The following PACRG variants were observed in gnomAD, a reference collection of about 807,000 sequenced individuals.
The protein encoded by PACRG is parkin coregulated gene protein.
Under a neutral mutation model 29.7 loss-of-function variants are expected in PACRG, and 29 were observed. That is an observed-to-expected ratio of 0.98 (90% CI 0.73 to 1.33). The LOEUF is 1.33. PACRG is among the 40% of genes most tolerant of loss of function. The probability of loss-of-function intolerance (pLI) is 0.00; values close to 1 mark genes in which losing one functional copy is unlikely to be tolerated. For synonymous variants in PACRG, 116 were observed against 118.7 expected, an observed-to-expected ratio of 0.98 and a Z score of 0.15; for missense variants, 279 against 316.2, an observed-to-expected ratio of 0.88 and a Z score of 0.89.
intron 2 of PACRG, among the ~76,000 whole-genome samples, chr6:162,922,748 T>C (rs1343336230): frequency 6.6e-6 from 1 of 152,230 alleles, no homozygotes; most frequent in Non-Finnish European, 1.5e-5. Flanking sequence ...AATAGGATTT[T>C]ATTCTTTTTT....
At chr6:163,272,228 G>A (rs909979082) in intron 4 of PACRG, among the ~76,000 whole-genome samples, 8 of 151,964 alleles carry the variant, frequency 5.3e-5, no homozygotes, top group Admixed American at 1.3e-4. Context: ...TAGTAGAGAC[G>A]GGGTTTCCCC....
chr6:162,855,022 T>C (rs542719864), intron 2 of PACRG, among the ~76,000 whole-genome samples: 1 of 152,382 alleles, frequency 6.6e-6, no homozygotes, highest in East Asian at 1.9e-4. Context: ...GCTTGGTCGC[T>C]GCTGAAGTGG....
chr6:162,949,596 G>C (rs1402458460), intron 2 of PACRG, among the ~76,000 whole-genome samples: 1 of 152,006 alleles, frequency 6.6e-6, no homozygotes, highest in East Asian at 1.9e-4. Flanking sequence ...CTGATAAATA[G>C]GTACACATAT....
At chr6:162,901,576 T>G (rs1180061570) in intron 2 of PACRG, among the ~76,000 whole-genome samples, 4 of 152,278 alleles carry the variant, frequency 2.6e-5, no homozygotes, top group South Asian at 2.1e-4. Context: ...ACACTTACAG[T>G]TTTTAAATTT....
At chr6:163,028,105 G>A (rs1807315810) in intron 2 of PACRG, among the ~76,000 whole-genome samples, 1 of 152,198 alleles carries the variant, frequency 6.6e-6, no homozygotes, top group Non-Finnish European at 1.5e-5. Flanking sequence ...GCCGGCAGAG[G>A]TGGTTCATTT....
intron 2 of PACRG, among the ~76,000 whole-genome samples, chr6:163,038,146 T>C (rs1808377949): frequency 1.3e-5 from 2 of 152,174 alleles, no homozygotes; most frequent in South Asian, 4.1e-4. Context: ...CTATCACTAA[T>C]TTGTGGCAGA....
chr6:162,823,110 C>A (rs1240508749), intron 2 of PACRG, among the ~76,000 whole-genome samples: 3 of 152,140 alleles, frequency 2.0e-5, no homozygotes, highest in Admixed American at 1.3e-4. Flanking sequence ...AGATTTGTGT[C>A]AAGATGCTAT....
chr6:163,066,671 C>T (rs964773503), intron 3 of PACRG, among the ~76,000 whole-genome samples: 1 of 152,148 alleles, frequency 6.6e-6, no homozygotes, highest in South Asian at 2.1e-4. Flanking sequence ...CAAGGAAGGG[C>T]TAAGAACCAA....
At chr6:163,314,066 C>A (rs1785547501) in intron 4 of PACRG, among the ~76,000 whole-genome samples, 1 of 152,118 alleles carries the variant, frequency 6.6e-6, no homozygotes, top group Non-Finnish European at 1.5e-5. Flanking sequence ...AGGTTCCTGG[C>A]CTTTGAAGGC....
intron 2 of PACRG, among the ~76,000 whole-genome samples, chr6:162,867,650 A>G (rs1792413840): frequency 6.6e-6 from 1 of 152,158 alleles, no homozygotes; most frequent in Non-Finnish European, 1.5e-5. Flanking sequence ...AGAAAAATGT[A>G]TTTCTCCTCC....
At chr6:163,211,628 T>C (rs879661074) in intron 4 of PACRG, among the ~76,000 whole-genome samples, 1 of 152,212 alleles carries the variant, frequency 6.6e-6, no homozygotes, top group Admixed American at 6.5e-5. Context: ...CATAATAAAA[T>C]GACTCATGAA....
chr6:162,743,494 G>C (rs1342921606), intron 1 of PACRG, among the ~76,000 whole-genome samples: 5 of 151,734 alleles, frequency 3.3e-5, no homozygotes, highest in Non-Finnish European at 7.4e-5. Context: ...TATTCTCATT[G>C]CTAATTTATT....
chr6:163,068,057 T>C lies in PACRG; in HGVS notation c.463+5736T>C, dbSNP rs1342081534. Among the ~76,000 whole-genome samples, 3 of 152,236 alleles carry C rather than the reference T, an allele frequency of 2.0e-5. No individual in the cohort carries two copies. The East Asian group carries it at 5.8e-4, about 29-fold the overall frequency. On this transcript the variant is annotated intron_variant, in intron 3 of 4. Transcript: ENST00000366888. The stretch of plus-strand genomic sequence containing the variant: ...TTTCCCTTTCTGGAGACATTCACTC[T>C]TCCATCCTCCATCCATCCATTTGCT...
At chr6:163,096,611 T>C (rs759449124) in intron 4 of PACRG, among the ~76,000 whole-genome samples, 6 of 152,160 alleles carry the variant, frequency 3.9e-5, no homozygotes, top group Non-Finnish European at 8.8e-5. Flanking sequence ...ACCAAGTTAC[T>C]GGGAGGATTA....
At chr6:162,782,565 T>C (rs1784172857) in intron 1 of PACRG, among the ~76,000 whole-genome samples, 1 of 151,860 alleles carries the variant, frequency 6.6e-6, no homozygotes, top group African/African-American at 2.4e-5. Context: ...TAGAAGTCAA[T>C]TTTTAAACAT....
chr6:162,761,842 C>T lies in PACRG; in HGVS notation c.156+33451C>T, dbSNP rs1282476953. On this transcript the variant is annotated intron_variant, in intron 1 of 4. Transcript: ENST00000366888. ...ATCCCAGCTTCTCGAGAGGCTGGGGCAGGAGAATTGCTTGAACCAGGGAGA... is the reference window on the plus strand; with the variant it reads ...ATCCCAGCTTCTCGAGAGGCTGGGGTAGGAGAATTGCTTGAACCAGGGAGA... Among the ~76,000 whole-genome samples, 44 of 148,760 alleles carry T rather than the reference C, an allele frequency of 3.0e-4. 1 individual carries two copies. In the Admixed American group the frequency reaches 3.0e-3, roughly 10 times the overall value.
chr6:163,177,710 A>ATTTTTTGTTTTTTTTT (rs1779441921), intron 4 of PACRG, among the ~76,000 whole-genome samples: 1 of 53,744 alleles, frequency 1.9e-5, no homozygotes, highest in African/African-American at 7.3e-5. Flanking sequence ...TAGAAAAGGG[A>ATTTTTTGTTTTTTTTT]TTTTTTTTTT....
chr6:162,809,338 A>G (rs1180762198), intron 1 of PACRG, among the ~76,000 whole-genome samples: 1 of 152,208 alleles, frequency 6.6e-6, no homozygotes. Flanking sequence ...GCAGAAATAT[A>G]AAGACAGAGG....
At chr6:163,191,966 G>A (rs1001492) in intron 4 of PACRG, 20 of 323,534 alleles carry the variant, frequency 6.2e-5, no homozygotes, top group African/African-American at 2.8e-4. Flanking sequence ...TGCTATCTAC[G>A]GGGAAGCACC....
Sources: allele counts gnomAD v4.1 joint callset (sites outside exome capture counted in the v4.1 genomes callset), GRCh38; gene constraint gnomAD v4.1.1; transcripts MANE v1.5; gene names NCBI Gene and HGNC (gene_info 2026-07-23, HGNC 2026-07-21).